The following LDLRAD3 variants were observed in gnomAD, a reference collection of about 807,000 sequenced individuals.
LDLRAD3 encodes the protein low-density lipoprotein receptor class A domain-containing protein 3.
A neutral mutation model predicts 29.4 loss-of-function variants in LDLRAD3; 20 were observed. That is an observed-to-expected ratio of 0.68 (90% CI 0.48 to 0.99). The LOEUF is 0.99. LDLRAD3 is among the 50% of genes least tolerant of loss of function. The probability of loss-of-function intolerance (pLI) is 0.00; values close to 1 mark genes in which losing one functional copy is unlikely to be tolerated. For synonymous variants in LDLRAD3, 157 were observed against 192.7 expected, an observed-to-expected ratio of 0.81 and a Z score of 1.53; for missense variants, 420 against 454.3, an observed-to-expected ratio of 0.92 and a Z score of 0.69.
chr11:36,135,963 T>C (rs753570912), intron 4 of LDLRAD3, among the ~76,000 whole-genome samples: 11 of 152,140 alleles, frequency 7.2e-5, no homozygotes, highest in Non-Finnish European at 1.3e-4. Flanking sequence ...GTATTTGGCA[T>C]TTTCCAAAAG....
intron 2 of LDLRAD3, among the ~76,000 whole-genome samples, chr11:36,056,645 G>T (rs1263054042): frequency 6.6e-6 from 1 of 152,196 alleles, no homozygotes; most frequent in Non-Finnish European, 1.5e-5. Context: ...GCCGCAAAAA[G>T]ATATTGCATT....
intron 2 of LDLRAD3, among the ~76,000 whole-genome samples, chr11:36,060,579 T>C (rs1434681698): frequency 6.6e-6 from 1 of 152,148 alleles, no homozygotes; most frequent in Non-Finnish European, 1.5e-5. Flanking sequence ...GGATTCAGTC[T>C]GATCTGGGTT....
intron 4 of LDLRAD3, among the ~76,000 whole-genome samples, chr11:36,225,513 C>T (rs1446572087): frequency 6.6e-6 from 1 of 152,092 alleles, no homozygotes; most frequent in African/African-American, 2.4e-5. Context: ...GGATGTGTAC[C>T]AGACCTTCAC....
At chr11:36,161,101 A>G (rs1854433004) in intron 4 of LDLRAD3, among the ~76,000 whole-genome samples, 1 of 152,170 alleles carries the variant, frequency 6.6e-6, no homozygotes, top group African/African-American at 2.4e-5. Flanking sequence ...GGCCAGAAGC[A>G]GGATCTTGAA....
At chr11:36,033,073 C>T (rs2133207423) in intron 1 of LDLRAD3, among the ~76,000 whole-genome samples, 1 of 152,146 alleles carries the variant, frequency 6.6e-6, no homozygotes, top group South Asian at 2.1e-4. Context: ...GGGGTTTCAC[C>T]ATGTTGGTAG....
chr11:36,081,882 C>T, intron 3 of LDLRAD3, 104 bp downstream of exon 3: 1 of 1,349,650 alleles, frequency 7.4e-7, no homozygotes, highest in Non-Finnish European at 1.0e-6. Flanking sequence ...CCTAGAGGCT[C>T]AGGCATTCTC....
At chr11:36,105,234 TGTGTGAGAGAGA>T (rs935012482) in intron 4 of LDLRAD3, among the ~76,000 whole-genome samples, 2 of 147,318 alleles carry the variant, frequency 1.4e-5, no homozygotes, top group Non-Finnish European at 1.5e-5. Context: ...TGTGTGTGTG[TGTGTGAGAGAGA>T]GAGAGAGAGA....
At chr11:36,150,877 A>G (rs989488143) in intron 4 of LDLRAD3, among the ~76,000 whole-genome samples, 10 of 152,196 alleles carry the variant, frequency 6.6e-5, no homozygotes, top group African/African-American at 2.4e-4. Context: ...GTAGCTTTCT[A>G]ATGAGCCTTC....
At chr11:35,998,104 G>T (rs772474987) in intron 1 of LDLRAD3, among the ~76,000 whole-genome samples, 6 of 152,162 alleles carry the variant, frequency 3.9e-5, no homozygotes, top group African/African-American at 1.2e-4. Flanking sequence ...ACTCCCCCAG[G>T]TGTTGTCTTT....
chr11:36,076,982 T>A (rs1386025175), intron 2 of LDLRAD3, among the ~76,000 whole-genome samples: 2 of 152,208 alleles, frequency 1.3e-5, no homozygotes, highest in Non-Finnish European at 2.9e-5. Context: ...TACTTGTTAT[T>A]GTTTATATTT....
rs781399081 is a variant in LDLRAD3 at position 36,069,933 on chromosome 11, CT to C, written c.194-11716del. Among the ~76,000 whole-genome samples the C allele has an allele frequency of 3.9e-5, 6 of 152,318 alleles. No individual in the cohort carries two copies. The East Asian group carries it at 1.2e-3, about 29-fold the overall frequency. ...GCCTCATGCTGTAAATATTACATTG[CT>C]TTTCCGCCTAGACCGTGGCCGACCT... is the stretch of plus-strand genomic sequence containing the variant. On this transcript the variant is annotated intron_variant, in intron 2 of 5. Coordinates refer to ENST00000315571, the MANE Select transcript of LDLRAD3 (RefSeq NM_174902.4).
chr11:36,163,362 C>T (rs1190563910), intron 4 of LDLRAD3: 1 of 152,252 alleles, frequency 6.6e-6, no homozygotes, highest in Admixed American at 6.5e-5. Flanking sequence ...CAGACCCATT[C>T]TTCTTAATAC....
chr11:36,229,613 A>G lies in LDLRAD3; in HGVS notation c.*216A>G. 1 of 447,568 alleles carries G rather than the reference A, an allele frequency of 2.2e-6. No homozygotes were observed. Among genetic ancestry groups the G allele is most frequent in the East Asian group, 3.2e-5 (1 of 30,864 alleles). 27.7% of individuals were successfully genotyped at this position (447,568 alleles called of 1,614,324 possible). ...TGATCTGTTGTGCGTCTTTTCTGTC[A>G]GGTCACTCTTCCCTTGGGACCCGAG... On this transcript the variant is annotated 3_prime_UTR_variant, in exon 6 of 6. Transcript: ENST00000315571.
intron 2 of LDLRAD3, among the ~76,000 whole-genome samples, chr11:36,040,767 T>C (rs9666955): frequency 2.2e-4 from 33 of 152,374 alleles, no homozygotes; most frequent in African/African-American, 7.5e-4. Context: ...CTTGTTTTGC[T>C]AAAGGTTTGC....
intron 2 of LDLRAD3, among the ~76,000 whole-genome samples, chr11:36,073,227 G>A (rs556770930): frequency 6.6e-6 from 1 of 152,290 alleles, no homozygotes; most frequent in African/African-American, 2.4e-5. Context: ...AAAAAGTGGG[G>A]ACATGACTTA....
At chr11:36,183,290 A>C (rs16928485) in intron 4 of LDLRAD3, among the ~76,000 whole-genome samples, 1,767 of 151,998 alleles carry the variant, frequency 0.012, 37 homozygotes, top group African/African-American at 0.041. Flanking sequence ...AATAAATTTC[A>C]ACCTACTCAA....
intron 1 of LDLRAD3, among the ~76,000 whole-genome samples, chr11:35,992,551 T>C (rs375497106): frequency 6.6e-6 from 1 of 152,194 alleles, no homozygotes; most frequent in Non-Finnish European, 1.5e-5. Context: ...TACAGTATGA[T>C]TGAACCTTGG....
chr11:36,200,957 T>C (rs913040511), intron 4 of LDLRAD3, among the ~76,000 whole-genome samples: 2 of 152,110 alleles, frequency 1.3e-5, no homozygotes, highest in African/African-American at 4.8e-5. Context: ...ACAGGATTAG[T>C]GGGAGTAACT....
At chr11:36,206,045 C>G (rs2133377924) in intron 4 of LDLRAD3, among the ~76,000 whole-genome samples, 1 of 152,298 alleles carries the variant, frequency 6.6e-6, no homozygotes, top group South Asian at 2.1e-4. Context: ...AGGCCCTCAA[C>G]TTTTGGTCTG....
Sources: allele counts gnomAD v4.1 joint callset (sites outside exome capture counted in the v4.1 genomes callset), GRCh38; gene constraint gnomAD v4.1.1; transcripts MANE v1.5; gene names NCBI Gene and HGNC (gene_info 2026-07-23, HGNC 2026-07-21).